The following SSU72 variants were observed in gnomAD, a reference collection of about 807,000 sequenced individuals.
SSU72 encodes SSU72 homolog, RNA polymerase II CTD phosphatase.
A neutral mutation model predicts 22.7 loss-of-function variants in SSU72; 12 were observed. The observed-to-expected ratio is 0.53, with a 90% CI of 0.34 to 0.86. SSU72 has a LOEUF of 0.86. Among genes scored for constraint, SSU72 ranks in the 40% least tolerant of loss-of-function variants. The pLI, the probability that SSU72 is intolerant of heterozygous loss-of-function variation, is 0.02. For synonymous variants in SSU72, 116 were observed against 98.3 expected (o/e 1.18, Z -1.06); for missense variants, 151 against 249.8 (o/e 0.60, Z 2.67).
chr1:1,566,207 G>T (rs1490052570), intron 1 of SSU72, among the ~76,000 whole-genome samples: 4 of 152,176 alleles, frequency 2.6e-5, no homozygotes, highest in Non-Finnish European at 5.9e-5. Flanking sequence ...ACAAGTTGCA[G>T]ACATTGGAGA....
chr1:1,553,659 CA>C (rs1295647660), intron 2 of SSU72, among the ~76,000 whole-genome samples: 2 of 150,428 alleles, frequency 1.3e-5, no homozygotes, highest in Non-Finnish European at 3.0e-5. Context: ...GGCATGGTGG[CA>C]GGCGCCTGTA....
chr1:1,574,401 G>A (rs577215231), intron 1 of SSU72, 77 bp downstream of exon 1: 1 of 1,473,520 alleles, frequency 6.8e-7, no homozygotes, highest in East Asian at 2.8e-5. Flanking sequence ...GTCCTGGCGC[G>A]GGCCAGGGGG....
In SSU72 at chr1:1,572,885, G is replaced by T. The variant is rs938893457; in HGVS notation, c.80+1593C>A. Among the ~76,000 whole-genome samples, 53 of 147,116 alleles carry T rather than the reference G, an allele frequency of 3.6e-4. 4 individuals carry two copies. Among genetic ancestry groups the T allele is most frequent in the African/African-American group, 5.0e-4 (20 of 40,328 alleles). On this transcript the variant is annotated intron_variant, in intron 1 of 4. Coordinates refer to ENST00000291386, the MANE Select transcript of SSU72 (RefSeq NM_014188.3). ...TAACAATAATTTTGTCTTGGGGGGG[G>T]GGGGGTGAGCCTTGCATTGTTTTGC...
intron 1 of SSU72, among the ~76,000 whole-genome samples, chr1:1,566,528 G>A (rs1452072837): frequency 6.6e-6 from 1 of 152,088 alleles, no homozygotes; most frequent in Non-Finnish European, 1.5e-5. Flanking sequence ...ATGACACACA[G>A]ACACGTGAGG....
chr1:1,546,775 G>A (rs1054781894), intron 2 of SSU72, among the ~76,000 whole-genome samples: 7 of 149,424 alleles, frequency 4.7e-5, no homozygotes, highest in South Asian at 2.2e-4. Context: ...CCCGGGCGGC[G>A]GAGGTTGCAG....
intron 1 of SSU72, among the ~76,000 whole-genome samples, chr1:1,569,559 CAGCTCACAGTCAT>C (rs1358346420): frequency 2.6e-5 from 4 of 152,214 alleles, no homozygotes; most frequent in African/African-American, 4.8e-5. Flanking sequence ...GGCGCAGTCA[CAGCTCACAGTCAT>C]AGCTCACCAC....
intron 2 of SSU72, chr1:1,545,203 G>C: frequency 1.7e-6 from 1 of 598,838 alleles, no homozygotes; most frequent in Non-Finnish European, 2.9e-6. Context: ...CAAAGTGGGC[G>C]ATGGCAGGTG....
chr1:1,564,630 G>A (rs1484354459), intron 2 of SSU72, 143 bp downstream of exon 2: 5 of 1,613,852 alleles, frequency 3.1e-6, no homozygotes, highest in South Asian at 1.1e-5. Context: ...CGTGCACCAG[G>A]AATAGAAACC....
At chr1:1,564,489 A>C in intron 2 of SSU72, 1 of 1,484,484 alleles carries the variant, frequency 6.7e-7, no homozygotes, top group South Asian at 1.4e-5. Flanking sequence ...CTCCTCACCT[A>C]AGCATCCCTG....
intron 2 of SSU72, among the ~76,000 whole-genome samples, chr1:1,560,233 G>A (rs1169168038): frequency 6.6e-6 from 1 of 152,122 alleles, no homozygotes; most frequent in Non-Finnish European, 1.5e-5. Flanking sequence ...TCCTCAGGCT[G>A]GAGCACAATG....
chr1:1,558,893 C>T (rs1433720127), intron 2 of SSU72, among the ~76,000 whole-genome samples: 2 of 152,220 alleles, frequency 1.3e-5, no homozygotes, highest in South Asian at 2.1e-4. Context: ...AAACAGAAGT[C>T]ACTTGTCTTC....
intron 2 of SSU72, among the ~76,000 whole-genome samples, chr1:1,552,151 G>T (rs552247898): frequency 6.6e-6 from 1 of 152,284 alleles, no homozygotes; most frequent in South Asian, 2.1e-4. Flanking sequence ...CACGCTGGCC[G>T]CGTGGACGCA....
At chr1:1,567,364 C>T (rs1642674638) in intron 1 of SSU72, among the ~76,000 whole-genome samples, 1 of 152,234 alleles carries the variant, frequency 6.6e-6, no homozygotes, top group African/African-American at 2.4e-5. Flanking sequence ...CAAACATCTA[C>T]CACACACGGC....
chr1:1,552,224 G>T (rs1271698534), intron 2 of SSU72, among the ~76,000 whole-genome samples: 2 of 152,166 alleles, frequency 1.3e-5, no homozygotes, highest in Non-Finnish European at 2.9e-5. Context: ...GGGAGGTGAG[G>T]TCACTTCCAG....
At chr1:1,566,091 G>A (rs544383879) in intron 1 of SSU72, among the ~76,000 whole-genome samples, 6 of 148,252 alleles carry the variant, frequency 4.0e-5, no homozygotes, top group South Asian at 2.2e-4. Context: ...CCCCAGCTCC[G>A]TTTCTACTAA....
rs1247633869 is a variant in SSU72 at position 1,573,459 on chromosome 1, AAGAAAAGAATAAAG to A, written c.80+1005_80+1018del. On this transcript the variant is annotated intron_variant, in intron 1 of 4. Transcript: ENST00000291386. ...AAAAAAAAAAAAAAAAAAAAAAAGA[AAGAAAAGAATAAAG>A]AGAAAGAATCAGCAGATCATGAACA... Among the ~76,000 whole-genome samples, 67 of 151,160 alleles carry A rather than the reference AAGAAAAGAATAAAG, an allele frequency of 4.4e-4. No homozygotes were observed. The Middle Eastern group carries it at 0.025, about 56-fold the overall frequency.
chr1:1,550,868 C>T (rs1642447925), intron 2 of SSU72, among the ~76,000 whole-genome samples: 1 of 152,208 alleles, frequency 6.6e-6, no homozygotes, highest in African/African-American at 2.4e-5. Flanking sequence ...ACGCCCCTCC[C>T]TCCCTGCTGG....
chr1:1,567,197 C>T (rs926336804), intron 1 of SSU72, among the ~76,000 whole-genome samples: 3 of 152,182 alleles, frequency 2.0e-5, no homozygotes, highest in Non-Finnish European at 2.9e-5. Flanking sequence ...GCAAAAGAGC[C>T]CAAGGGCACC....
At position 1,574,622 on chromosome 1, in the gene SSU72, C is replaced by T. The variant is rs1187114817; in HGVS notation, c.-65G>A. On this transcript the variant is annotated 5_prime_UTR_variant, in exon 1 of 5. Coordinates refer to ENST00000291386, the MANE Select transcript of SSU72 (RefSeq NM_014188.3). Reference sequence around the variant, plus strand: ...CCCACCCTACCGCGGCGCTTCCGCGCGAACAAAATGGCGGCCGCGGTGGCC... The same window carrying T: ...CCCACCCTACCGCGGCGCTTCCGCGTGAACAAAATGGCGGCCGCGGTGGCC... 1 of 1,485,076 alleles carries T rather than the reference C, an allele frequency of 6.7e-7. No individual in the cohort carries two copies. The highest frequency in any genetic ancestry group is 9.0e-7 in the Non-Finnish European group (1 of 1,107,390). 92.0% of individuals were successfully genotyped at this position (1,485,076 alleles called of 1,614,324 possible). A position where few individuals can be genotyped will look rare whatever the true frequency, so the allele number is the denominator to read the frequency against.
Sources: allele counts gnomAD v4.1 joint callset (sites outside exome capture counted in the v4.1 genomes callset), GRCh38; gene constraint gnomAD v4.1.1; transcripts MANE v1.5; gene names NCBI Gene and HGNC (gene_info 2026-07-23, HGNC 2026-07-21).